Variants in ARHGAP23 observed in about 807,000 individuals in gnomAD.
ARHGAP23 encodes the protein Rho GTPase activating protein 23.
ARHGAP23 carries 34 observed loss-of-function variants against 136.3 expected under a neutral mutation model. That is an observed-to-expected ratio of 0.25 (90% confidence interval 0.19 to 0.33). The LOEUF (loss-of-function observed/expected upper bound fraction) is 0.33. Ranked by LOEUF, ARHGAP23 falls within the 10% of genes least tolerant of loss-of-function variation. The pLI is 1.00. For synonymous variants in ARHGAP23, 832 were observed against 920.5 expected (o/e 0.90, Z 1.74); for missense variants, 1,808 against 2,139.0 (o/e 0.85, Z 3.05).
chr17:38,474,663 T>C (rs1454608675), intron 11 of ARHGAP23, among the ~76,000 whole-genome samples: 2 of 152,130 alleles, frequency 1.3e-5, no homozygotes, highest in Non-Finnish European at 2.9e-5. Flanking sequence ...CACCTGGGGA[T>C]GGCCTTTGTC....
chr17:38,457,559 TG>T (rs1359477050), intron 1 of ARHGAP23: 2 of 167,812 alleles, frequency 1.2e-5, no homozygotes, highest in African/African-American at 4.8e-5. Context: ...TGTACTCATT[TG>T]TGTGTGTGTA....
chr17:38,508,989 C>T (rs79447604), intron 23 of ARHGAP23, among the ~76,000 whole-genome samples: 3,802 of 128,734 alleles, frequency 0.03, 170 homozygotes, highest in African/African-American at 0.11. Context: ...GGCAAAGGGG[C>T]CAAAAACAGT....
chr17:38,469,372 C>T, intron 8 of ARHGAP23, 73 bp downstream of exon 8: 1 of 1,483,756 alleles, frequency 6.7e-7, no homozygotes, highest in South Asian at 1.3e-5. Context: ...GTTGGGCCTG[C>T]TGCTTGATGT....
At chr17:38,472,754 C>T (rs1222426691) in intron 11 of ARHGAP23, among the ~76,000 whole-genome samples, 1 of 152,208 alleles carries the variant, frequency 6.6e-6, no homozygotes, top group African/African-American at 2.4e-5. Context: ...CTCTTGACTG[C>T]ATCACCCATT....
chr17:38,485,017 G>GT (rs1363785283), intron 16 of ARHGAP23, among the ~76,000 whole-genome samples: 4 of 152,262 alleles, frequency 2.6e-5, no homozygotes, highest in African/African-American at 9.6e-5. Flanking sequence ...CGAGGCGGCT[G>GT]TGCCCAACTT....
intron 23 of ARHGAP23, among the ~76,000 whole-genome samples, chr17:38,503,952 C>A (rs376357907): frequency 6.6e-6 from 1 of 152,314 alleles, no homozygotes; most frequent in African/African-American, 2.4e-5. Context: ...TCACGAACAT[C>A]GGTTTCATTT....
intron 1 of ARHGAP23, among the ~76,000 whole-genome samples, chr17:38,446,181 ATT>A (rs5820259): frequency 0.023 from 2,253 of 99,572 alleles, 64 homozygotes; most frequent in African/African-American, 0.078. Context: ...CACCTGGCTA[ATT>A]TTTTTTTTTT....
chr17:38,471,623 G>T (rs910684005), intron 10 of ARHGAP23, among the ~76,000 whole-genome samples: 2 of 152,224 alleles, frequency 1.3e-5, no homozygotes, highest in African/African-American at 2.4e-5. Context: ...GTGTGGTGAG[G>T]CGTGTGGTCT....
At chr17:38,420,303 C>T (rs1845865332) in intron 1 of ARHGAP23, among the ~76,000 whole-genome samples, 1 of 152,210 alleles carries the variant, frequency 6.6e-6, no homozygotes, top group South Asian at 2.1e-4. Context: ...TTGCCTTACT[C>T]CCTTCCCAAC....
In ARHGAP23 at chr17:38,497,474, G is replaced by A. The variant is rs1156408786; in HGVS notation, c.3277-311G>A. Among the ~76,000 whole-genome samples the A allele has an allele frequency of 2.0e-5, 3 of 152,340 alleles. No individual in the cohort carries two copies. The East Asian group carries it at 5.8e-4, about 29-fold the overall frequency. On this transcript the variant is annotated intron_variant, in intron 20 of 23. Transcript: ENST00000622683. ...GGGTGTGCCCAGGACAGTGTTTAGA[G>A]AAAAGCAAGTAAAAGCGAAGCTCTC...
At chr17:38,446,020 C>CT (rs56071314) in intron 1 of ARHGAP23, among the ~76,000 whole-genome samples, 35 of 139,524 alleles carry the variant, frequency 2.5e-4, no homozygotes, top group South Asian at 7.2e-4. Flanking sequence ...AAATATCTTT[C>CT]TTTTTTTTTT....
intron 1 of ARHGAP23, among the ~76,000 whole-genome samples, chr17:38,436,504 G>A (rs1377767761): frequency 6.6e-6 from 1 of 152,214 alleles, no homozygotes; most frequent in Non-Finnish European, 1.5e-5. Context: ...GGGAAAGTCC[G>A]CCAGTGGGCT....
intron 3 of ARHGAP23, among the ~76,000 whole-genome samples, chr17:38,461,580 G>C (rs1446359702): frequency 6.6e-6 from 1 of 152,232 alleles, no homozygotes; most frequent in Non-Finnish European, 1.5e-5. Context: ...TGAGGGAGGA[G>C]CCCGCTGACC....
At chr17:38,454,474 T>C (rs755231614) in intron 1 of ARHGAP23, among the ~76,000 whole-genome samples, 33 of 151,572 alleles carry the variant, frequency 2.2e-4, no homozygotes, top group Non-Finnish European at 4.7e-4. Flanking sequence ...TCCCAGAGGG[T>C]ATGGGTGGGC....
chr17:38,469,820 C>G (rs1343788952), intron 9 of ARHGAP23, 27 bp from the exon 10 acceptor site: 1 of 1,551,310 alleles, frequency 6.4e-7, no homozygotes, highest in Admixed American at 2.0e-5. Flanking sequence ...CTGCCCACAT[C>G]CCTCACCCTC....
At chr17:38,432,465 A>T (rs2038706041) in intron 1 of ARHGAP23, among the ~76,000 whole-genome samples, 1 of 152,108 alleles carries the variant, frequency 6.6e-6, no homozygotes, top group Non-Finnish European at 1.5e-5. Context: ...GGATCACCTG[A>T]GGTCAGGAGT....
At chr17:38,462,760 CTGAG>C (rs2039491538) in intron 3 of ARHGAP23, 82 bp from the exon 4 acceptor site, 2 of 958,196 alleles carry the variant, frequency 2.1e-6, no homozygotes, top group Admixed American at 3.3e-5. Flanking sequence ...CAATCATTCT[CTGAG>C]TGTGTGTCCC....
rs182834423 is a variant in ARHGAP23 at position 38,430,767 on chromosome 17, A to T, written c.63+2219A>T. Among the ~76,000 whole-genome samples the T allele has an allele frequency of 2.6e-5, 4 of 152,322 alleles. No homozygotes were observed. The East Asian group carries it at 7.7e-4, about 29-fold the overall frequency. On this transcript the variant is annotated intron_variant, in intron 1 of 23. Coordinates refer to ENST00000622683, the MANE Select transcript of ARHGAP23 (RefSeq NM_001199417.2). ...CTTGTGAAGTTGGATTCCAATGTAG[A>T]AACCTGGAGATGGTCATTGGAGATA... is the stretch of plus-strand genomic sequence containing the variant.
intron 11 of ARHGAP23, among the ~76,000 whole-genome samples, chr17:38,473,974 A>G (rs1300722100): frequency 5.9e-5 from 9 of 152,008 alleles, no homozygotes; most frequent in South Asian, 4.2e-4. Flanking sequence ...AGGCTGGAGT[A>G]CAGTGGTACG....
Sources: gnomAD v4.1 joint callset for allele counts (sites outside exome capture counted in the v4.1 genomes callset) on GRCh38, gnomAD v4.1.1 for gene constraint, MANE v1.5 for transcripts, NCBI Gene and HGNC (gene_info 2026-07-23, HGNC 2026-07-21) for gene names.